Variants in FAM241A observed in about 807,000 individuals in gnomAD.
The protein encoded by FAM241A is family with sequence similarity 241 member A.
Under a neutral mutation model 12.2 loss-of-function variants are expected in FAM241A, and 7 were observed. The ratio of observed to expected loss-of-function variants is 0.58; its 90% CI spans 0.33 to 1.08. The LOEUF is 1.08. Among genes scored for constraint, FAM241A ranks in the 50% least tolerant of loss-of-function variants. The pLI is 0.04. For synonymous variants in FAM241A, 74 were observed against 68.2 expected (o/e 1.08, Z -0.42); for missense variants, 161 against 169.7 (o/e 0.95, Z 0.29).
At chr4:112,179,943 A>ATG (rs35177969) in intron 1 of FAM241A, among the ~76,000 whole-genome samples, 29,528 of 126,812 alleles carry the variant, frequency 0.23, 3,864 homozygotes, top group East Asian at 0.54. Flanking sequence ...ATATATGTAT[A>ATG]TGTGTGTGTG....
Position 112,187,180 on chromosome 4 carries a change from T to C in FAM241A, c.*242T>C. ...ACTCTTGTTTCACTACTGTGATCTC[T>C]GTCTCCTTTATACACCTCTATCCCC... On this transcript the variant is annotated 3_prime_UTR_variant, in exon 2 of 2. Coordinates refer to ENST00000309733, the MANE Select transcript of FAM241A (RefSeq NM_152400.3). 2.1e-6 allele frequency: 1 copy of C among 473,426 alleles called. No individual in the cohort carries two copies. Among genetic ancestry groups the C allele is most frequent in the Non-Finnish European group, 3.7e-6 (1 of 266,974 alleles). The allele number at this position is 473,426 out of a possible 1,614,324, so 29.3% of individuals were successfully genotyped here.
intron 1 of FAM241A, among the ~76,000 whole-genome samples, chr4:112,153,908 G>A (rs1723298778): frequency 6.6e-6 from 1 of 152,144 alleles, no homozygotes; most frequent in African/African-American, 2.4e-5. Context: ...GGTTTTTACA[G>A]TATTTATTTT....
In FAM241A at chr4:112,157,041, T is replaced by A. The variant is rs1464154733; in HGVS notation, c.153+11308T>A. Among the ~76,000 whole-genome samples the A allele has an allele frequency of 2.0e-5, 3 of 152,168 alleles. No individual in the cohort carries two copies. In the South Asian group the frequency reaches 6.2e-4, roughly 31 times the overall value. ...ATAAAATTCTTATCAGCCATTTCAATTGTGACAATGTTAAATTATAATTTC... is the reference window on the plus strand; with the variant it reads ...ATAAAATTCTTATCAGCCATTTCAAATGTGACAATGTTAAATTATAATTTC... On this transcript the variant is annotated intron_variant, in intron 1 of 1. Transcript: ENST00000309733.
At chr4:112,164,581 A>G (rs2110426345) in intron 1 of FAM241A, among the ~76,000 whole-genome samples, 1 of 152,354 alleles carries the variant, frequency 6.6e-6, no homozygotes, top group Non-Finnish European at 1.5e-5. Context: ...CATGTACCCT[A>G]GAACTTAAAG....
In FAM241A at chr4:112,177,056, C is replaced by T. The variant is rs533023685; in HGVS notation, c.154-9637C>T. On this transcript the variant is annotated intron_variant, in intron 1 of 1. Coordinates refer to ENST00000309733, the MANE Select transcript of FAM241A (RefSeq NM_152400.3). ...CAACCACATATCTCTTCATTCTTGC[C>T]GAGCCTTTTTTTTCACATTTGAATC... Among the ~76,000 whole-genome samples the T allele has an allele frequency of 1.3e-4, 20 of 152,018 alleles. No individual in the cohort carries two copies. In the South Asian group the frequency reaches 3.1e-3, roughly 24 times the overall value.
chr4:112,168,212 G>GT (rs67523519), intron 1 of FAM241A, among the ~76,000 whole-genome samples: 2 of 152,142 alleles, frequency 1.3e-5, no homozygotes, highest in Non-Finnish European at 2.9e-5. Context: ...TTTTCAAAGA[G>GT]TTTTTTCACA....
At chr4:112,148,706 A>G (rs1199489074) in intron 1 of FAM241A, among the ~76,000 whole-genome samples, 2 of 152,208 alleles carry the variant, frequency 1.3e-5, no homozygotes, top group Non-Finnish European at 2.9e-5. Context: ...GCTATTCCAT[A>G]TATGTGTTGG....
At position 112,166,009 on chromosome 4, in the gene FAM241A, G is replaced by A. The variant is rs373160200; in HGVS notation, c.153+20276G>A. Among the ~76,000 whole-genome samples the A allele has an allele frequency of 2.6e-5, 4 of 151,282 alleles. No individual in the cohort carries two copies. The South Asian group carries it at 6.3e-4, about 24-fold the overall frequency. ...TTGTATACCTGTATCAAAATATCTC[G>A]TGCCCCACAAATATAGACACCTACT... On this transcript the variant is annotated intron_variant, in intron 1 of 1. Transcript: ENST00000309733.
chr4:112,165,020 C>G (rs1173776153), intron 1 of FAM241A, among the ~76,000 whole-genome samples: 5 of 152,124 alleles, frequency 3.3e-5, no homozygotes, highest in African/African-American at 4.8e-5. Flanking sequence ...TCACCTGAGC[C>G]TAGGAGTTCC....
At chr4:112,183,227 C>T (rs1197493876) in intron 1 of FAM241A, among the ~76,000 whole-genome samples, 5 of 151,634 alleles carry the variant, frequency 3.3e-5, no homozygotes, top group South Asian at 4.1e-4. Context: ...CTGGTTGATA[C>T]GTATATAGGT....
intron 1 of FAM241A, among the ~76,000 whole-genome samples, 165 bp downstream of exon 1, chr4:112,145,898 G>T (rs967613023): frequency 6.6e-6 from 1 of 151,398 alleles, no homozygotes; most frequent in Non-Finnish European, 1.5e-5. Flanking sequence ...GCGGTTAGAC[G>T]GCGCTCCCAG....
chr4:112,170,089 ATTTC>A (rs1723685292), intron 1 of FAM241A, among the ~76,000 whole-genome samples: 1 of 152,144 alleles, frequency 6.6e-6, no homozygotes, highest in South Asian at 2.1e-4. Context: ...CTACAAACTA[ATTTC>A]TTTCTGTCAT....
At chr4:112,173,356 G>T (rs1448870685) in intron 1 of FAM241A, among the ~76,000 whole-genome samples, 3 of 152,144 alleles carry the variant, frequency 2.0e-5, no homozygotes, top group African/African-American at 7.2e-5. Context: ...TAAAAAATAG[G>T]TTTGAGTGTG....
chr4:112,172,992 A>G (rs1578376545), intron 1 of FAM241A, among the ~76,000 whole-genome samples: 1 of 151,974 alleles, frequency 6.6e-6, no homozygotes, highest in African/African-American at 2.4e-5. Flanking sequence ...GGCTGAAGCT[A>G]TTTTCCTACC....
In FAM241A at chr4:112,182,504, TA is replaced by T. The variant is rs201526548; in HGVS notation, c.154-4176del. Among the ~76,000 whole-genome samples the T allele has an allele frequency of 4.3e-3, 623 of 144,238 alleles. 3 individuals are homozygous for T. Among genetic ancestry groups the T allele is most frequent in the African/African-American group, 9.5e-3 (378 of 39,600 alleles). The allele number at this position is 144,238 out of a possible 152,430, so 94.6% of individuals were successfully genotyped here. The stretch of plus-strand genomic sequence containing the variant: ...TCTCAGCTTGTCAATGTTGTAAACT[TA>T]AAAAAAAAAAAATAGAAATGCACCA... On this transcript the variant is annotated intron_variant, in intron 1 of 1. Coordinates refer to ENST00000309733, the MANE Select transcript of FAM241A (RefSeq NM_152400.3).
At chr4:112,167,155 AT>A (rs993993118) in intron 1 of FAM241A, among the ~76,000 whole-genome samples, 2 of 151,724 alleles carry the variant, frequency 1.3e-5, no homozygotes, top group Non-Finnish European at 2.9e-5. Flanking sequence ...AATACTAATA[AT>A]TTTTTCTTGG....
Position 112,194,910 on chromosome 4 carries a change from G to A in FAM241A, c.*7972G>A, listed in dbSNP as rs566296737. On this transcript the variant is annotated 3_prime_UTR_variant, in exon 2 of 2. Coordinates refer to ENST00000309733, the MANE Select transcript of FAM241A (RefSeq NM_152400.3). ...TTCTCCTGTCTCAGCAGGAGTGGTT[G>A]GGATTACAGGCACATGCTGGCATGC... 2 of 152,312 alleles carry A rather than the reference G, an allele frequency of 1.3e-5. No individual in the cohort carries two copies. Among genetic ancestry groups the A allele is most frequent in the Admixed American group, 6.5e-5 (1 of 15,302 alleles). 9.4% of individuals were successfully genotyped at this position (152,312 alleles called of 1,614,324 possible).
chr4:112,169,521 G>T (rs891123376), intron 1 of FAM241A, among the ~76,000 whole-genome samples: 2 of 152,170 alleles, frequency 1.3e-5, no homozygotes, highest in Non-Finnish European at 2.9e-5. Context: ...GAGTGAGAAA[G>T]ATCCAAAACA....
chr4:112,175,632 G>A lies in FAM241A; in HGVS notation c.154-11061G>A, dbSNP rs183274574. ...AAAATACGAAAATTAGCTAGGTGTGGTGGCAGGTGCCTGTAATCCTAGCTA... is the reference window on the plus strand; with the variant it reads ...AAAATACGAAAATTAGCTAGGTGTGATGGCAGGTGCCTGTAATCCTAGCTA... On this transcript the variant is annotated intron_variant, in intron 1 of 1. Coordinates refer to ENST00000309733, the MANE Select transcript of FAM241A (RefSeq NM_152400.3). 2.2e-3 allele frequency among the ~76,000 whole-genome samples: 332 copies of A among 152,164 alleles called. 1 individual carries two copies. Among genetic ancestry groups the A allele is most frequent in the Non-Finnish European group, 3.1e-3 (210 of 68,010 alleles).
Sources: gnomAD v4.1 joint callset for allele counts (sites outside exome capture counted in the v4.1 genomes callset) on GRCh38, gnomAD v4.1.1 for gene constraint, MANE v1.5 for transcripts, NCBI Gene and HGNC (gene_info 2026-07-23, HGNC 2026-07-21) for gene names.